Variants in CEP128 observed in about 807,000 individuals in gnomAD.
CEP128 encodes the protein centrosomal protein 128kDa.
CEP128 carries 132 observed loss-of-function variants against 156.7 expected under a neutral mutation model. That is an observed-to-expected ratio of 0.84 (90% CI 0.73 to 0.97). The LOEUF (loss-of-function observed/expected upper bound fraction) is 0.97, where lower values mean the gene tolerates loss of function less well. Ranked by LOEUF, CEP128 falls within the 50% of genes least tolerant of loss-of-function variation. CEP128 has a pLI of 0.00. For synonymous variants in CEP128, 469 were observed against 448.9 expected (o/e 1.04, Z -0.57); for missense variants, 1,252 against 1,281.9 (o/e 0.98, Z 0.36).
chr14:80,823,713 T>G (rs1326710480), intron 13 of CEP128, among the ~76,000 whole-genome samples: 1 of 152,118 alleles, frequency 6.6e-6, no homozygotes, highest in Non-Finnish European at 1.5e-5. Flanking sequence ...CTTCCACCCC[T>G]GTGGCTTTGC....
In CEP128 at chr14:80,522,378, T is replaced by C. The variant is rs570008081; in HGVS notation, c.3072+4491A>G. Among the ~76,000 whole-genome samples, 16 of 152,290 alleles carry C rather than the reference T, an allele frequency of 1.1e-4. No homozygotes were observed. The South Asian group carries it at 2.7e-3, about 26-fold the overall frequency. ...TACTTATATCACACACATGCTTACA[T>C]TGAACAAATATGACAGGGCTTTGGC... On this transcript the variant is annotated intron_variant, in intron 23 of 24. Coordinates refer to ENST00000555265, the MANE Select transcript of CEP128 (RefSeq NM_152446.5).
At chr14:80,723,066 TC>T (rs1255056502) in intron 19 of CEP128, among the ~76,000 whole-genome samples, 8 of 151,994 alleles carry the variant, frequency 5.3e-5, no homozygotes, top group African/African-American at 1.9e-4. Context: ...GACCTTGTGA[TC>T]CGCCCGCCTC....
intron 9 of CEP128, among the ~76,000 whole-genome samples, chr14:80,850,213 G>A (rs1002891543): frequency 5.9e-5 from 9 of 152,098 alleles, no homozygotes; most frequent in Non-Finnish European, 1.3e-4. Context: ...ACAGCAGAGG[G>A]TAACACCGTT....
intron 9 of CEP128, among the ~76,000 whole-genome samples, chr14:80,847,753 T>C (rs1886682220): frequency 6.6e-6 from 1 of 152,224 alleles, no homozygotes; most frequent in Admixed American, 6.5e-5. Flanking sequence ...AAATGTGGAA[T>C]AATGCCCTTA....
At chr14:80,627,357 T>C (rs370058442) in intron 19 of CEP128, among the ~76,000 whole-genome samples, 3 of 152,272 alleles carry the variant, frequency 2.0e-5, no homozygotes, top group Non-Finnish European at 2.9e-5. Flanking sequence ...AATAAAGAAA[T>C]GTAAGAACCT....
intron 21 of CEP128, among the ~76,000 whole-genome samples, chr14:80,538,399 G>C (rs542654163): frequency 6.6e-6 from 1 of 152,258 alleles, no homozygotes; most frequent in Admixed American, 6.5e-5. Context: ...TACATATTGT[G>C]CCTTCCATGG....
chr14:80,497,539 C>G lies in CEP128; in HGVS notation c.3225G>C (p.Lys1075Asn), dbSNP rs1887543931. Reference sequence around the variant, plus strand: ...TTGTTCCATTCATTGTGGCATCTTCCTTGTTTGAAGCTGAATCTGGAGCAA... The same window carrying G: ...TTGTTCCATTCATTGTGGCATCTTCGTTGTTTGAAGCTGAATCTGGAGCAA... ...RTVAPDSASN[K>N]EDATMNGTSS... Residue 1075 changes from lysine (K) to asparagine (N), a missense_variant, in exon 25 of 25, where the codon AAG (lysine) becomes AAC (asparagine). Lys to Asn is a moderately conservative substitution (Grantham distance 94). Transcript: ENST00000555265. 1.2e-6 allele frequency: 2 copies of G among 1,613,240 alleles called. No individual in the cohort carries two copies. The highest frequency in any genetic ancestry group is 1.7e-6 in the Non-Finnish European group (2 of 1,179,636).
chr14:80,793,916 AAAT>A (rs1901850331), intron 13 of CEP128, among the ~76,000 whole-genome samples: 1 of 152,090 alleles, frequency 6.6e-6, no homozygotes, highest in South Asian at 2.1e-4. Flanking sequence ...TATACAAATA[AAAT>A]AATCATTAAC....
chr14:80,935,630 C>A (rs1451755391), intron 2 of CEP128, among the ~76,000 whole-genome samples: 4 of 105,890 alleles, frequency 3.8e-5, no homozygotes, highest in African/African-American at 1.7e-4. Context: ...TGTATTCAAG[C>A]TATGAGTCCC....
rs578066024 is a variant in CEP128 at position 80,865,306 on chromosome 14, G to C, written c.646-2433C>G. Among the ~76,000 whole-genome samples the C allele has an allele frequency of 2.6e-5, 4 of 152,254 alleles. No individual in the cohort carries two copies. In the East Asian group the frequency reaches 7.7e-4, roughly 29 times the overall value. On this transcript the variant is annotated intron_variant, in intron 8 of 24. Transcript: ENST00000555265. ...AATATTCCATTGGGTGTATATACGT[G>C]TGTATGTGTATTTCTTTATCTGTTC...
At chr14:80,547,054 G>A (rs1890015739) in intron 21 of CEP128, among the ~76,000 whole-genome samples, 1 of 152,118 alleles carries the variant, frequency 6.6e-6, no homozygotes, top group African/African-American at 2.4e-5. Flanking sequence ...TTGTGTAAGT[G>A]GTATTACAGC....
chr14:80,644,977 A>T (rs930786438), intron 19 of CEP128, among the ~76,000 whole-genome samples: 2 of 152,188 alleles, frequency 1.3e-5, no homozygotes, highest in African/African-American at 4.8e-5. Flanking sequence ...TGAGAGAAAA[A>T]TAGCACAGTT....
chr14:80,912,730 T>A (rs928580518), intron 4 of CEP128, among the ~76,000 whole-genome samples: 1 of 151,724 alleles, frequency 6.6e-6, no homozygotes, highest in Non-Finnish European at 1.5e-5. Context: ...AGCTTGCAAT[T>A]ACAAGTGATT....
chr14:80,807,273 A>G (rs1454727057), intron 13 of CEP128, among the ~76,000 whole-genome samples: 2 of 152,174 alleles, frequency 1.3e-5, no homozygotes, highest in Non-Finnish European at 2.9e-5. Flanking sequence ...CACACCATCC[A>G]ATCACATTGC....
chr14:80,721,914 C>T (rs1897831483), intron 19 of CEP128, among the ~76,000 whole-genome samples: 1 of 152,082 alleles, frequency 6.6e-6, no homozygotes, highest in Admixed American at 6.5e-5. Context: ...GATGAATAAA[C>T]ATGAATTAAA....
At chr14:80,803,959 C>T (rs1422800486) in intron 13 of CEP128, among the ~76,000 whole-genome samples, 3 of 151,720 alleles carry the variant, frequency 2.0e-5, no homozygotes, top group South Asian at 2.1e-4. Flanking sequence ...ATTGGTATAC[C>T]ATATACATGA....
At chr14:80,955,553 C>A in intron 2 of CEP128, 3 of 1,140,122 alleles carry the variant, frequency 2.6e-6, no homozygotes, top group South Asian at 1.2e-5. Flanking sequence ...GGTCACAGCC[C>A]CTTGGAGCCC....
At chr14:80,784,756 T>A in intron 15 of CEP128, 139 bp downstream of exon 15, 1 of 762,248 alleles carries the variant, frequency 1.3e-6, no homozygotes, top group East Asian at 2.6e-5. Flanking sequence ...CAGGCATGAA[T>A]AAGCCTCTTT....
intron 19 of CEP128, among the ~76,000 whole-genome samples, chr14:80,610,393 T>C (rs1204338384): frequency 6.6e-6 from 1 of 152,162 alleles, no homozygotes; most frequent in Middle Eastern, 3.2e-3. Flanking sequence ...ACATATCATG[T>C]AGTAAGAGAC....
Sources: gnomAD v4.1 joint callset for allele counts (sites outside exome capture counted in the v4.1 genomes callset) on GRCh38, gnomAD v4.1.1 for gene constraint, MANE v1.5 for transcripts, NCBI Gene and HGNC (gene_info 2026-07-23, HGNC 2026-07-21) for gene names.